The following CHD6 variants were observed in gnomAD, a reference collection of about 807,000 sequenced individuals.
The protein encoded by CHD6 is ATP-dependent chromatin remodeler CHD6.
In CHD6, 50 loss-of-function variants were observed where a neutral mutation model predicts 276.9. The observed-to-expected ratio is 0.18, with a 90% confidence interval of 0.14 to 0.23. The LOEUF is 0.23. CHD6 is among the 10% of genes least tolerant of loss of function. CHD6 has a pLI of 1.00. For missense variants in CHD6, 2,564 were observed against 3,365.8 expected (o/e 0.76, Z 5.89); for synonymous variants, 1,173 against 1,229.3 (o/e 0.95, Z 0.96).
At chr20:41,442,445 C>G (rs988584170) in intron 25 of CHD6, among the ~76,000 whole-genome samples, 1 of 152,138 alleles carries the variant, frequency 6.6e-6, no homozygotes, top group Non-Finnish European at 1.5e-5. Flanking sequence ...GAGTGAGACC[C>G]TGTCTCTTAA....
At chr20:41,489,750 T>C (rs768984664) in intron 12 of CHD6, 28 bp downstream of exon 12, 7 of 1,613,106 alleles carry the variant, frequency 4.3e-6, no homozygotes, top group Admixed American at 3.3e-5. Context: ...AGGCAGTCCC[T>C]GGGTCTCTGA....
intron 3 of CHD6, among the ~76,000 whole-genome samples, chr20:41,525,733 T>A (rs1319564880): frequency 6.6e-6 from 1 of 152,354 alleles, no homozygotes; most frequent in African/African-American, 2.4e-5. Context: ...TCTCATCTAT[T>A]AATTTCTTTA....
chr20:41,421,449 T>G lies in CHD6; in HGVS notation c.5186A>C (p.Glu1729Ala), dbSNP rs965667040. Residue 1729 changes from glutamate (E) to alanine (A), a missense_variant, in exon 31 of 37, where the codon GAA (glutamate) becomes GCA (alanine). Glu to Ala is a moderately radical substitution (Grantham distance 107). Coordinates refer to ENST00000373233, the MANE Select transcript of CHD6 (RefSeq NM_032221.5). ...GATGGTAATAACATCTTTTCTAGAT[T>G]CAGTATTGGTACTTGGGCTCTCCTG... ...SFQESPSTNT[E>A]SRKDVITISI... is the part of the protein sequence containing the mutation. 33 of 1,614,218 alleles carry G rather than the reference T, an allele frequency of 2.0e-5. No individual in the cohort carries two copies. Among genetic ancestry groups the G allele is most frequent in the Admixed American group, 1.0e-4 (6 of 60,028 alleles).
At chr20:41,429,480 C>A (rs1316321578) in intron 27 of CHD6, among the ~76,000 whole-genome samples, 1 of 152,172 alleles carries the variant, frequency 6.6e-6, no homozygotes, top group African/African-American at 2.4e-5. Flanking sequence ...CTGAACGCCA[C>A]ATTTTAAGAG....
intron 5 of CHD6, among the ~76,000 whole-genome samples, chr20:41,512,564 A>G (rs1289183457): frequency 6.6e-6 from 1 of 151,994 alleles, no homozygotes; most frequent in East Asian, 1.9e-4. Context: ...ATTAAAAGAC[A>G]GCCAGTCTTT....
chr20:41,415,415 G>A lies in CHD6; in HGVS notation c.6710C>T (p.Ala2237Val). ...GATAGCCCCAATCTTAGGGGTGCTG[G>A]CGCTCACTGGGAAAGGGGATGTGGC... ...PGATSPFPVS[A>V]STPKIGAISS... Residue 2237 changes from alanine (A) to valine (V), a missense_variant, in exon 34 of 37, where the codon GCC (alanine) becomes GTC (valine). Transcript: ENST00000373233. 6 of 1,612,814 alleles carry A rather than the reference G, an allele frequency of 3.7e-6. No individual in the cohort carries two copies. Among genetic ancestry groups the A allele is most frequent in the Non-Finnish European group, 4.2e-6 (5 of 1,179,344 alleles).
chr20:41,592,439 T>C (rs952558718), intron 1 of CHD6, among the ~76,000 whole-genome samples: 3 of 152,226 alleles, frequency 2.0e-5, no homozygotes, highest in South Asian at 2.1e-4. Context: ...TTGAGAAAGA[T>C]AGTTTTCCTC....
In CHD6 at chr20:41,457,392, C is replaced by T; in HGVS notation, c.2701G>A (p.Ala901Thr). Residue 901 changes from alanine (A) to threonine (T), a missense_variant, in exon 18 of 37, where the codon GCT becomes ACT. Coordinates refer to ENST00000373233, the MANE Select transcript of CHD6 (RefSeq NM_032221.5). ...ARCHRIGQSK[A>T]VKVYRLITRN... ...GTGATGAGGCGATACACCTTCACAG[C>T]TTTGCTCTGGCCTATGCGGTGACAT... The T allele has an allele frequency of 6.2e-7, 1 of 1,614,084 alleles. No individual in the cohort carries two copies. Among genetic ancestry groups the T allele is most frequent in the Non-Finnish European group, 8.5e-7 (1 of 1,179,960 alleles).
chr20:41,410,523 C>A (rs1209230077), intron 36 of CHD6, among the ~76,000 whole-genome samples: 1 of 152,188 alleles, frequency 6.6e-6, no homozygotes, highest in Non-Finnish European at 1.5e-5. Context: ...CTAGAAGGCC[C>A]TGTCCCAAGA....
chr20:41,481,098 T>C (rs755522159), intron 16 of CHD6, among the ~76,000 whole-genome samples: 13 of 151,410 alleles, frequency 8.6e-5, no homozygotes, highest in Non-Finnish European at 1.2e-4. Flanking sequence ...GAGCGAGACA[T>C]TGTCTCAGAA....
rs568535376 is a variant in CHD6 at position 41,573,066 on chromosome 20, C to T, written c.-23-21706G>A. Reference sequence around the variant, plus strand: ...CTGGGACTACAGTCGCCCGCCACCACGCCCAGCTAATTTTTTGTATTTTTA... The same window carrying T: ...CTGGGACTACAGTCGCCCGCCACCATGCCCAGCTAATTTTTTGTATTTTTA... On this transcript the variant is annotated intron_variant, in intron 1 of 36. Transcript: ENST00000373233. Among the ~76,000 whole-genome samples the T allele has an allele frequency of 7.2e-5, 11 of 152,198 alleles. No homozygotes were observed. In the East Asian group the frequency reaches 2.1e-3, roughly 30 times the overall value.
intron 10 of CHD6, among the ~76,000 whole-genome samples, chr20:41,492,543 TG>T (rs532948972): frequency 1.3e-5 from 2 of 152,188 alleles, no homozygotes; most frequent in Non-Finnish European, 2.9e-5. Flanking sequence ...AAAATGGCAA[TG>T]TTTTTTTAAA....
chr20:41,598,537 G>GGTAT (rs2045742316), intron 1 of CHD6, among the ~76,000 whole-genome samples: 1 of 152,100 alleles, frequency 6.6e-6, no homozygotes, highest in Non-Finnish European at 1.5e-5. Flanking sequence ...CGACCAACAG[G>GGTAT]GTATGAGCTG....
At position 41,452,045 on chromosome 20, in the gene CHD6, C is replaced by T. The variant is rs761349541; in HGVS notation, c.3324-20G>A. ...CCCCAGCTGACAGTGGACATACAGA[C>T]AGGTGTTGGAGGGAGAATGGACCAG... On this transcript the variant is annotated intron_variant, in intron 21 of 36. Transcript: ENST00000373233. This position sits in a 1 kb window ranked among gnomAD's most constrained non-coding sequence, Gnocchi z 4.2. 35 of 1,606,484 alleles carry T rather than the reference C, an allele frequency of 2.2e-5. No homozygotes were observed. Among genetic ancestry groups the T allele is most frequent in the Non-Finnish European group, 2.7e-5 (32 of 1,173,966 alleles).
chr20:41,546,589 CATT>C (rs2045047478), intron 2 of CHD6, among the ~76,000 whole-genome samples: 1 of 152,134 alleles, frequency 6.6e-6, no homozygotes, highest in African/African-American at 2.4e-5. Flanking sequence ...ATTCCTATAT[CATT>C]GTTTCGTTGT....
chr20:41,553,782 T>C (rs1017970526), intron 1 of CHD6, among the ~76,000 whole-genome samples: 1 of 152,256 alleles, frequency 6.6e-6, no homozygotes, highest in Non-Finnish European at 1.5e-5. Context: ...GTGGCACTGA[T>C]TATTTCTAAC....
At chr20:41,562,896 C>G (rs2045317200) in intron 1 of CHD6, among the ~76,000 whole-genome samples, 1 of 152,172 alleles carries the variant, frequency 6.6e-6, no homozygotes, top group Non-Finnish European at 1.5e-5. Flanking sequence ...AAAAATCCAT[C>G]TCTCCAAAAA....
In CHD6 at chr20:41,452,980, TTTCTC is replaced by T. The variant is rs1361364898; in HGVS notation, c.3121-43_3121-39del. On this transcript the variant is annotated intron_variant, in intron 20 of 36. Transcript: ENST00000373233. This position sits in a 1 kb window ranked among gnomAD's most constrained non-coding sequence, Gnocchi z 4.2. ...AGGACTACTGGGAAGAAAGTCCTCT[TTTCTC>T]TACTCCTTTCACAAAGCATAAGTGT... 11 of 1,484,792 alleles carry T rather than the reference TTTCTC, an allele frequency of 7.4e-6. No homozygotes were observed. Among genetic ancestry groups the T allele is most frequent in the African/African-American group, 5.5e-5 (4 of 72,228 alleles). 92.0% of individuals were successfully genotyped at this position (1,484,792 alleles called of 1,614,324 possible). A position where few individuals can be genotyped will look rare whatever the true frequency, so the allele number is the denominator to read the frequency against.
At chr20:41,496,141 G>A (rs1158163765) in intron 8 of CHD6, among the ~76,000 whole-genome samples, 1 of 152,166 alleles carries the variant, frequency 6.6e-6, no homozygotes, top group African/African-American at 2.4e-5. Context: ...AGGATTAGTA[G>A]GATTCGTTTA....
Sources: gnomAD v4.1 joint callset for allele counts (sites outside exome capture counted in the v4.1 genomes callset) on GRCh38, gnomAD v4.1.1 for gene constraint, Gnocchi (gnomAD v3.1) non-coding constraint, MANE v1.5 for transcripts, NCBI Gene and HGNC (gene_info 2026-07-23, HGNC 2026-07-21) for gene names.